TM9SF3: variants seen among roughly 807,000 people sequenced by gnomAD.
The protein encoded by TM9SF3 is SM-11044-binding protein.
Under a neutral mutation model 78.6 loss-of-function variants are expected in TM9SF3, and 14 were observed. The observed-to-expected ratio is 0.18, with a 90% CI of 0.12 to 0.28. The LOEUF is 0.28. Among genes scored for constraint, TM9SF3 ranks in the 10% least tolerant of loss-of-function variants. The pLI, the probability that TM9SF3 is intolerant of heterozygous loss-of-function variation, is 1.00. For missense variants in TM9SF3, 496 were observed against 721.9 expected, an observed-to-expected ratio of 0.69 and a Z score of 3.59; for synonymous variants, 231 against 241.7, an observed-to-expected ratio of 0.96 and a Z score of 0.41.
At chr10:96,576,302 T>C (rs1848496459) in intron 2 of TM9SF3, 1 of 158,896 alleles carries the variant, frequency 6.3e-6, no homozygotes, top group Non-Finnish European at 1.4e-5. Flanking sequence ...TATTATCTTA[T>C]AAATATTCAA....
Position 96,551,283 on chromosome 10 carries a change from G to T in TM9SF3, c.921C>A (p.Ile307=). Residue 307 remains isoleucine, a synonymous_variant, in exon 7 of 15, where the codon ATC becomes ATA. Transcript: ENST00000371142. Reference sequence around the variant, plus strand: ...CTTCTATCATTGCAACAATAATAACGATGAGAGACACAGCAAATATCTGAC... The same window carrying T: ...CTTCTATCATTGCAACAATAATAACTATGAGAGACACAGCAAATATCTGAC... ...SGCQIFAVSL[I]VIIVAMIEDL... is the part of the protein sequence containing the mutation. 1.2e-6 allele frequency: 2 copies of T among 1,612,396 alleles called. No homozygotes were observed. Among genetic ancestry groups the T allele is most frequent in the Non-Finnish European group, 1.7e-6 (2 of 1,179,492 alleles).
chr10:96,577,274 C>G (rs901040839), intron 1 of TM9SF3, among the ~76,000 whole-genome samples: 2 of 150,990 alleles, frequency 1.3e-5, no homozygotes, highest in African/African-American at 2.4e-5. Context: ...TGCCAGCAAG[C>G]ATAAATAAAA....
At chr10:96,560,265 A>G in intron 4 of TM9SF3, 1 of 785,398 alleles carries the variant, frequency 1.3e-6, no homozygotes. Flanking sequence ...AGGCCAACAA[A>G]GATGATCACT....
chr10:96,527,895 C>T, intron 12 of TM9SF3, 136 bp downstream of exon 12: 1 of 841,926 alleles, frequency 1.2e-6, no homozygotes, highest in Non-Finnish European at 1.7e-6. Context: ...ATTTTTATAA[C>T]TGGAAAAAAA....
intron 2 of TM9SF3, among the ~76,000 whole-genome samples, chr10:96,570,254 A>G (rs79133752): frequency 6.6e-6 from 1 of 152,262 alleles, no homozygotes; most frequent in Non-Finnish European, 1.5e-5. Context: ...ACTTTAATAA[A>G]TATATGTAGA....
chr10:96,577,305 T>C (rs1848507738), intron 1 of TM9SF3, among the ~76,000 whole-genome samples: 1 of 151,710 alleles, frequency 6.6e-6, no homozygotes, highest in African/African-American at 2.4e-5. Context: ...TTGCGAGACT[T>C]TCACACAGCC....
At chr10:96,557,142 T>A (rs1848243144) in intron 5 of TM9SF3, among the ~76,000 whole-genome samples, 1 of 152,310 alleles carries the variant, frequency 6.6e-6, no homozygotes, top group East Asian at 1.9e-4. Context: ...ATGATCTATA[T>A]GCCAATTGCT....
chr10:96,521,680 T>C lies in TM9SF3; in HGVS notation c.*583A>G, dbSNP rs1365369028. The stretch of plus-strand genomic sequence containing the variant: ...CAGATATATTACATGCAGGATTTAA[T>C]ATTTTCTAATTCTCTCTTTTAAAAA... On this transcript the variant is annotated 3_prime_UTR_variant, in exon 15 of 15. Coordinates refer to ENST00000371142, the MANE Select transcript of TM9SF3 (RefSeq NM_020123.4). 6.6e-6 allele frequency: 1 copy of C among 151,238 alleles called. No homozygotes were observed. The highest frequency in any genetic ancestry group is 1.5e-5 in the Non-Finnish European group (1 of 67,350). The allele number at this position is 151,238 out of a possible 1,614,324, so 9.4% of individuals were successfully genotyped here.
intron 11 of TM9SF3, among the ~76,000 whole-genome samples, chr10:96,528,962 T>C (rs939174262): frequency 6.6e-6 from 1 of 151,974 alleles, no homozygotes; most frequent in African/African-American, 2.4e-5. Flanking sequence ...ACCAAATGGG[T>C]AGGAGAATGG....
chr10:96,580,318 T>A (rs747031142), intron 1 of TM9SF3, among the ~76,000 whole-genome samples: 3 of 152,144 alleles, frequency 2.0e-5, no homozygotes, highest in Non-Finnish European at 4.4e-5. Context: ...CAGGCTGCAG[T>A]GCAGTGGTGC....
intron 9 of TM9SF3, among the ~76,000 whole-genome samples, chr10:96,542,634 T>C (rs1429415143): frequency 6.6e-6 from 1 of 152,096 alleles, no homozygotes; most frequent in African/African-American, 2.4e-5. Flanking sequence ...ACTATGAAAA[T>C]AATCAATTCA....
intron 1 of TM9SF3, among the ~76,000 whole-genome samples, chr10:96,579,941 C>CA (rs1188428163): frequency 3.3e-5 from 5 of 152,140 alleles, no homozygotes; most frequent in Admixed American, 3.3e-4. Context: ...ACAAAACAAA[C>CA]AAAAATCTTT....
intron 7 of TM9SF3, 144 bp from the exon 8 acceptor site, chr10:96,548,133 C>T: frequency 1.8e-6 from 1 of 548,872 alleles, no homozygotes; most frequent in Non-Finnish European, 3.1e-6. Context: ...AAATAAAACT[C>T]AAAAGATTCT....
At chr10:96,546,401 C>T (rs1848101072) in intron 8 of TM9SF3, among the ~76,000 whole-genome samples, 2 of 152,212 alleles carry the variant, frequency 1.3e-5, no homozygotes, top group South Asian at 4.1e-4. Context: ...TCTTAACTTG[C>T]AGTCAGACTA....
chr10:96,539,696 CAT>C (rs1848000267), intron 9 of TM9SF3, among the ~76,000 whole-genome samples: 1 of 152,070 alleles, frequency 6.6e-6, no homozygotes, highest in Non-Finnish European at 1.5e-5. Context: ...TGCAACTTAT[CAT>C]ATGTTAATTT....
At chr10:96,528,813 T>C (rs1045948695) in intron 11 of TM9SF3, among the ~76,000 whole-genome samples, 1 of 152,066 alleles carries the variant, frequency 6.6e-6, no homozygotes, top group Non-Finnish European at 1.5e-5. Flanking sequence ...AGAAATGAAG[T>C]TGGAGAAGTG....
At position 96,547,912 on chromosome 10, in the gene TM9SF3, A is replaced by C. The variant is rs1169950922; in HGVS notation, c.1037T>G (p.Leu346Arg). The C allele has an allele frequency of 6.2e-7, 1 of 1,613,676 alleles. No individual in the cohort carries two copies. The highest frequency in any genetic ancestry group is 8.5e-7 in the Non-Finnish European group (1 of 1,179,704). ...TAAGTTACCTCCTTGTCTAGCATAC[A>C]GACTTCCTCCAAAATAACCATTCAC... ...SPVNGYFGGS[L>R]YARQGGRRWI... Residue 346 changes from leucine (L) to arginine (R), a missense_variant, in exon 8 of 15, where the codon CTG (leucine) becomes CGG (arginine). Around this residue, in one of 4 missense-constraint regions of TM9SF3, gnomAD observed 280 missense variants for 422.6 expected, o/e 0.66. Coordinates refer to ENST00000371142, the MANE Select transcript of TM9SF3 (RefSeq NM_020123.4).
In TM9SF3 at chr10:96,528,123, G is replaced by A. The variant is rs778112712; in HGVS notation, c.1449C>T (p.Phe483=). ...ACAGGATAACCAGCACCAGCATCATGAAGCCATAGACATAATAGATCTTAT... is the reference window on the plus strand; with the variant it reads ...ACAGGATAACCAGCACCAGCATCATAAAGCCATAGACATAATAGATCTTAT... The part of the protein sequence containing the change: ...WAYKIYYVYG[F]MMLVLVILCI... Residue 483 remains phenylalanine (F), a synonymous_variant, in exon 12 of 15, where the codon TTC becomes TTT. Coordinates refer to ENST00000371142, the MANE Select transcript of TM9SF3 (RefSeq NM_020123.4). The A allele has an allele frequency of 3.7e-6, 6 of 1,612,760 alleles. No homozygotes were observed. Among genetic ancestry groups the A allele is most frequent in the East Asian group, 4.5e-5 (2 of 44,846 alleles).
At chr10:96,579,828 G>T (rs562170017) in intron 1 of TM9SF3, among the ~76,000 whole-genome samples, 8 of 152,288 alleles carry the variant, frequency 5.3e-5, no homozygotes, top group Non-Finnish European at 8.8e-5. Context: ...GAGAATAAGT[G>T]CTTCCAAGAC....
Sources: allele counts gnomAD v4.1 joint callset (sites outside exome capture counted in the v4.1 genomes callset), GRCh38; gene constraint gnomAD v4.1.1; regional missense constraint gnomAD v4.1.1; transcripts MANE v1.5; gene names NCBI Gene and HGNC (gene_info 2026-07-23, HGNC 2026-07-21).